Variants in EIF2AK4 observed in about 807,000 individuals in gnomAD.
EIF2AK4 encodes eukaryotic translation initiation factor 2 alpha kinase 4.
Under a neutral mutation model 211.1 loss-of-function variants are expected in EIF2AK4, and 139 were observed. The observed-to-expected ratio is 0.66, with a 90% CI of 0.57 to 0.76. The LOEUF (loss-of-function observed/expected upper bound fraction) is 0.76, where lower values mean the gene tolerates loss of function less well. Ranked by LOEUF, EIF2AK4 falls within the 30% of genes least tolerant of loss-of-function variation. The probability of loss-of-function intolerance (pLI) is 0.00; values close to 1 mark genes in which losing one functional copy is unlikely to be tolerated. For missense variants in EIF2AK4, 1,664 were observed against 2,043.8 expected (o/e 0.81, Z 3.58); for synonymous variants, 710 against 751.3 (o/e 0.94, Z 0.90).
In EIF2AK4 at chr15:39,939,675, G is replaced by T. The variant is rs1456951837; in HGVS notation, c.257+58G>T. 9.6e-6 allele frequency: 13 copies of T among 1,355,510 alleles called. 1 individual carries two copies. The East Asian group carries it at 3.1e-4, about 32-fold the overall frequency. The allele number at this position is 1,355,510 out of a possible 1,614,324, so 84.0% of individuals were successfully genotyped here. A position where few individuals can be genotyped will look rare whatever the true frequency, so the allele number is the denominator to read the frequency against. Reference sequence around the variant, plus strand: ...TTCAGTTTTCTGTTTTGACAACATAGAAACAGATTGAAATTCGTAGTATTT... The same window carrying T: ...TTCAGTTTTCTGTTTTGACAACATATAAACAGATTGAAATTCGTAGTATTT... On this transcript the variant is annotated intron_variant, in intron 2 of 38. Coordinates refer to ENST00000263791, the MANE Select transcript of EIF2AK4 (RefSeq NM_001013703.4).
chr15:40,007,409 T>C (rs2035176254), intron 24 of EIF2AK4, among the ~76,000 whole-genome samples: 2 of 152,182 alleles, frequency 1.3e-5, no homozygotes, highest in Non-Finnish European at 2.9e-5. Flanking sequence ...TTTTAAAACT[T>C]AATTGGTGGG....
chr15:39,978,716 C>CA (rs1291289065), intron 13 of EIF2AK4, among the ~76,000 whole-genome samples: 1 of 152,012 alleles, frequency 6.6e-6, no homozygotes, highest in Non-Finnish European at 1.5e-5. Context: ...GCTAAACAAA[C>CA]AAAAAAATCA....
intron 1 of EIF2AK4, among the ~76,000 whole-genome samples, chr15:39,937,881 G>A (rs759468530): frequency 2.0e-5 from 3 of 152,098 alleles, no homozygotes; most frequent in Admixed American, 6.5e-5. Flanking sequence ...CCAGTGCCTG[G>A]TAAAACAAAC....
chr15:40,009,527 TG>T, intron 25 of EIF2AK4, 86 bp from the exon 26 acceptor site: 1 of 758,496 alleles, frequency 1.3e-6, no homozygotes, highest in Non-Finnish European at 2.2e-6. Context: ...TGTGTTAGGA[TG>T]ACAAATTGGT....
At chr15:39,992,310 A>G in intron 17 of EIF2AK4, 81 bp downstream of exon 17, 1 of 1,282,834 alleles carries the variant, frequency 7.8e-7, no homozygotes, top group Non-Finnish European at 1.1e-6. Context: ...TTTTACTTGT[A>G]AAGGTTTTAT....
At chr15:39,946,704 G>A (rs1029815986) in intron 3 of EIF2AK4, 4 of 698,534 alleles carry the variant, frequency 5.7e-6, no homozygotes, top group East Asian at 2.7e-5. Context: ...AGAGTCAATC[G>A]ATGCAGCAAC....
chr15:40,022,947 A>G (rs985505846), intron 32 of EIF2AK4, among the ~76,000 whole-genome samples: 2 of 152,094 alleles, frequency 1.3e-5, no homozygotes, highest in Admixed American at 1.3e-4. Flanking sequence ...GTTGGCCAGG[A>G]TGGTCTCCTG....
In EIF2AK4 at chr15:39,985,902, G is replaced by A; in HGVS notation, c.2403+14G>A. ...CTATACATCCAGGTGAGGTCGTGGT[G>A]TGTAGTTAGGTGACACAGCAACACC... On this transcript the variant is annotated intron_variant, in intron 14 of 38. Transcript: ENST00000263791. 6.2e-7 allele frequency: 1 copy of A among 1,612,220 alleles called. No individual in the cohort carries two copies. Among genetic ancestry groups the A allele is most frequent in the Non-Finnish European group, 8.5e-7 (1 of 1,178,714 alleles).
chr15:40,008,228 C>T lies in EIF2AK4; in HGVS notation c.3576+33C>T, dbSNP rs2035187776. 2.6e-6 allele frequency: 4 copies of T among 1,559,030 alleles called. No homozygotes were observed. In the South Asian group the frequency reaches 4.9e-5, roughly 19 times the overall value. On this transcript the variant is annotated intron_variant, in intron 25 of 38. Transcript: ENST00000263791. The stretch of plus-strand genomic sequence containing the variant: ...TCCATATTTTAACATTCCAAGATTC[C>T]CCACTATATTTCTTCACCAAGTGTG...
intron 32 of EIF2AK4, among the ~76,000 whole-genome samples, chr15:40,024,865 T>C (rs1330238178): frequency 6.6e-6 from 1 of 152,020 alleles, no homozygotes; most frequent in Non-Finnish European, 1.5e-5. Context: ...TAGCTGGGAC[T>C]ACAGGCACGC....
intron 1 of EIF2AK4, among the ~76,000 whole-genome samples, chr15:39,935,828 C>T (rs933697697): frequency 5.3e-5 from 8 of 152,074 alleles, no homozygotes; most frequent in African/African-American, 1.9e-4. Flanking sequence ...AAATCCTTGC[C>T]CTCAGGGAGC....
intron 13 of EIF2AK4, among the ~76,000 whole-genome samples, chr15:39,982,031 T>A (rs1224697613): frequency 6.6e-6 from 1 of 150,580 alleles, no homozygotes; most frequent in East Asian, 2.0e-4. Flanking sequence ...TTCACGCCAT[T>A]CTCCTGCCTC....
At chr15:40,015,485 T>C (rs1006402009) in intron 27 of EIF2AK4, among the ~76,000 whole-genome samples, 9 of 152,254 alleles carry the variant, frequency 5.9e-5, no homozygotes, top group African/African-American at 1.9e-4. Context: ...GTGAGACTTA[T>C]TCACTATCAT....
Position 40,017,310 on chromosome 15 carries a change from A to G in EIF2AK4, c.4065+68A>G, listed in dbSNP as rs543847034. The G allele has an allele frequency of 8.6e-6, 13 of 1,511,178 alleles. No homozygotes were observed. The African/African-American group carries it at 1.2e-4, about 14-fold the overall frequency. 93.6% of individuals were successfully genotyped at this position (1,511,178 alleles called of 1,614,324 possible). ...TTTCTTCTAAACTTGTTATTTTGAA[A>G]TTTTCAAACTAACACCAAAAATTTG... On this transcript the variant is annotated intron_variant, in intron 29 of 38. Coordinates refer to ENST00000263791, the MANE Select transcript of EIF2AK4 (RefSeq NM_001013703.4).
intron 20 of EIF2AK4, 96 bp from the exon 21 acceptor site, chr15:40,000,892 C>T (rs1342953408): frequency 8.0e-7 from 1 of 1,243,244 alleles, no homozygotes; most frequent in Non-Finnish European, 1.1e-6. Context: ...ATAGTGGCAC[C>T]TTTTCTTTGA....
intron 15 of EIF2AK4, 30 bp downstream of exon 15, chr15:39,988,135 A>T: frequency 6.2e-7 from 1 of 1,607,294 alleles, no homozygotes; most frequent in Middle Eastern, 1.7e-4. Context: ...ATATCTGAAG[A>T]CTTATGTTTA....
At chr15:40,004,330 T>C (rs956034359) in intron 23 of EIF2AK4, among the ~76,000 whole-genome samples, 4 of 152,212 alleles carry the variant, frequency 2.6e-5, no homozygotes, top group African/African-American at 7.2e-5. Flanking sequence ...TGCCATATTA[T>C]TGTGGTAGTC....
At position 39,967,773 on chromosome 15, in the gene EIF2AK4, C is replaced by T. The variant is rs1378938398; in HGVS notation, c.1447C>T (p.Arg483Cys). The T allele has an allele frequency of 2.6e-5, 42 of 1,614,164 alleles. No individual in the cohort carries two copies. In the East Asian group the frequency reaches 5.8e-4, roughly 22 times the overall value. The change falls in exon 9 of 39, where the codon CGT (arginine) becomes TGT (cysteine). Residue 483 changes from arginine to cysteine, a missense_variant. Coordinates refer to ENST00000263791, the MANE Select transcript of EIF2AK4 (RefSeq NM_001013703.4). ...AACGGGGAAGAAAGGAGATGTTTGG[C>T]GTCTTGGCCTTCTGCTGCTGTCCCT... ...YKTGKKGDVWRLGLLLLSLSQ... is the reference protein window; with the variant it reads ...YKTGKKGDVWCLGLLLLSLSQ...
In EIF2AK4 at chr15:39,972,919, T is replaced by C; in HGVS notation, c.1565T>C (p.Leu522Ser). The change falls in exon 10 of 39, where the codon TTG becomes TCG. Residue 522 changes from leucine (L) to serine (S), a missense_variant. By Grantham distance (145) the Leu-to-Ser change is moderately radical (BLOSUM62 -2). Coordinates refer to ENST00000263791, the MANE Select transcript of EIF2AK4 (RefSeq NM_001013703.4). ...TCCCTCTCACCGAGATGTGTGTGCT[T>C]GGATGACAAGGAAAGATGGAGTCCC... ...FQDFLKKCVCLDDKERWSPQQ... is the reference protein window; with the variant it reads ...FQDFLKKCVCSDDKERWSPQQ... The C allele has an allele frequency of 6.2e-7, 1 of 1,613,934 alleles. No individual in the cohort carries two copies. Among genetic ancestry groups the C allele is most frequent in the Non-Finnish European group, 8.5e-7 (1 of 1,179,932 alleles).
Sources: allele counts gnomAD v4.1 joint callset (sites outside exome capture counted in the v4.1 genomes callset), GRCh38; gene constraint gnomAD v4.1.1; transcripts MANE v1.5; gene names NCBI Gene and HGNC (gene_info 2026-07-23, HGNC 2026-07-21).